SPG11: variants seen among roughly 807,000 people sequenced by gnomAD.
SPG11 encodes spatacsin.
SPG11 carries 222 observed loss-of-function variants against 274.0 expected under a neutral mutation model. The observed-to-expected ratio is 0.81, with a 90% confidence interval of 0.73 to 0.91. SPG11 has a LOEUF of 0.91. Ranked by LOEUF, SPG11 falls within the 40% of genes least tolerant of loss-of-function variation. The pLI, the probability that SPG11 is intolerant of heterozygous loss-of-function variation, is 0.00. For synonymous variants in SPG11, 1,144 were observed against 1,039.7 expected, an observed-to-expected ratio of 1.10 and a Z score of -1.93; for missense variants, 3,114 against 2,872.7, an observed-to-expected ratio of 1.08 and a Z score of -1.92.
chr15:44,632,117 T>C (rs2084083670), intron 8 of SPG11, among the ~76,000 whole-genome samples: 1 of 152,114 alleles, frequency 6.6e-6, no homozygotes, highest in African/African-American at 2.4e-5. Flanking sequence ...CCTACATTAC[T>C]TCTTTTACAT....
intron 36 of SPG11, 26 bp from the exon 37 acceptor site, chr15:44,566,331 C>G (rs1595817810): frequency 1.9e-6 from 3 of 1,603,524 alleles, no homozygotes; most frequent in Non-Finnish European, 2.6e-6. Flanking sequence ...AGAAGATTTG[C>G]CGAGTCTGAC....
intron 31 of SPG11, among the ~76,000 whole-genome samples, chr15:44,573,981 T>C (rs765359927): frequency 6.6e-6 from 1 of 152,222 alleles, no homozygotes; most frequent in Non-Finnish European, 1.5e-5. Flanking sequence ...GGTTATTCTC[T>C]TGTTGGACAC....
intron 20 of SPG11, among the ~76,000 whole-genome samples, chr15:44,601,608 A>AG (rs2083191780): frequency 6.9e-6 from 1 of 144,444 alleles, no homozygotes; most frequent in African/African-American, 2.6e-5. Flanking sequence ...TCTAGGCTGG[A>AG]GTGCCATGGC....
chr15:44,646,511 TG>T (rs1205522817), intron 7 of SPG11, among the ~76,000 whole-genome samples: 4 of 152,152 alleles, frequency 2.6e-5, no homozygotes, highest in Non-Finnish European at 5.9e-5. Flanking sequence ...ACTGCTCCCA[TG>T]ATGCAATCAC....
At chr15:44,582,770 AACC>A (rs1280635862) in intron 30 of SPG11, among the ~76,000 whole-genome samples, 2 of 152,176 alleles carry the variant, frequency 1.3e-5, no homozygotes, top group Non-Finnish European at 2.9e-5. Context: ...CGAAAAAAAA[AACC>A]ACATGATCAG....
At chr15:44,638,732 A>G (rs1232110863) in intron 7 of SPG11, among the ~76,000 whole-genome samples, 1 of 152,190 alleles carries the variant, frequency 6.6e-6, no homozygotes. Flanking sequence ...GCAGTGGCAC[A>G]CGCCTGTAAT....
chr15:44,629,329 A>G lies in SPG11; in HGVS notation c.1795T>C (p.Ser599Pro). Residue 599 changes from serine to proline, a missense_variant, in exon 9 of 40, where the codon TCT becomes CCT. Transcript: ENST00000261866. ...LLCSAIRESY[S>P]EPQSKHFSEQ... ...GAAAAGTGTTTGCTTTGGGGTTCAG[A>G]ATAACTTTCTCTAATTGCCGAGCAA... 1.9e-6 allele frequency: 3 copies of G among 1,614,202 alleles called. No homozygotes were observed. The highest frequency in any genetic ancestry group is 2.2e-5 in the South Asian group (2 of 91,084).
intron 33 of SPG11, 105 bp downstream of exon 33, chr15:44,572,578 C>CA: frequency 8.7e-7 from 1 of 1,149,032 alleles, no homozygotes; most frequent in Non-Finnish European, 1.3e-6. Context: ...GAGGGCTAGG[C>CA]ATCCAGAGCA....
chr15:44,613,514 A>T lies in SPG11; in HGVS notation c.3061T>A (p.Phe1021Ile). ...TCATGTAACTCTTTTTTTTCCAAAA[A>T]GGGACAATTTTCAGGACTAAGTCTG... is the stretch of plus-strand genomic sequence containing the variant. ...CYKLSPENCP[F>I]LEKKELHEAH... Residue 1021 changes from phenylalanine to isoleucine, a missense_variant, in exon 17 of 40, where the codon TTT (phenylalanine) becomes ATT (isoleucine). Physicochemically the swap from Phe to Ile is conservative, Grantham distance 21. Transcript: ENST00000261866. 6.2e-7 allele frequency: 1 copy of T among 1,613,502 alleles called. No homozygotes were observed. Among genetic ancestry groups the T allele is most frequent in the Non-Finnish European group, 8.5e-7 (1 of 1,179,492 alleles).
At chr15:44,589,463 CA>C (rs1304261117) in intron 27 of SPG11, 49 bp from the exon 28 acceptor site, 1 of 1,609,374 alleles carries the variant, frequency 6.2e-7, no homozygotes, top group African/African-American at 1.3e-5. Context: ...ATGAGAATAG[CA>C]AATCAAAACC....
chr15:44,575,021 T>G lies in SPG11; in HGVS notation c.5887A>C (p.Lys1963Gln), dbSNP rs1294464164. 1.2e-6 allele frequency: 2 copies of G among 1,613,916 alleles called. No homozygotes were observed. Among genetic ancestry groups the G allele is most frequent in the African/African-American group, 1.3e-5 (1 of 74,900 alleles). The change falls in exon 31 of 40, where the codon AAG (lysine) becomes CAG (glutamine). Residue 1963 changes from lysine (K) to glutamine (Q), a missense_variant. Transcript: ENST00000261866. ...VHSTSSLDSQ[K>Q]FVTVPSSNEV... ...TTACTGGAGGGCACTGTCACAAACT[T>G]CTGACTATCCAGACTTGAAGCTGGA...
At chr15:44,609,423 C>G (rs1056150363) in intron 18 of SPG11, among the ~76,000 whole-genome samples, 1 of 151,974 alleles carries the variant, frequency 6.6e-6, no homozygotes, top group African/African-American at 2.4e-5. Context: ...GCCACCGCAC[C>G]CGGCCTTTAA....
chr15:44,625,997 C>T (rs770652713), intron 11 of SPG11, among the ~76,000 whole-genome samples: 2 of 152,014 alleles, frequency 1.3e-5, no homozygotes, highest in Non-Finnish European at 2.9e-5. Flanking sequence ...TTCTTTATAG[C>T]AATATGAGAA....
chr15:44,596,602 A>T (rs1405974129), intron 24 of SPG11, among the ~76,000 whole-genome samples, 182 bp downstream of exon 24: 1 of 139,184 alleles, frequency 7.2e-6, no homozygotes, highest in Non-Finnish European at 1.6e-5. Context: ...CTGAAATCTT[A>T]GGAAAAATAA....
intron 18 of SPG11, among the ~76,000 whole-genome samples, chr15:44,609,290 C>A (rs1234049067): frequency 6.6e-6 from 1 of 151,986 alleles, no homozygotes; most frequent in Non-Finnish European, 1.5e-5. Context: ...CACCACCACC[C>A]CCGGCTAATT....
chr15:44,574,827 C>T (rs2082499941), intron 31 of SPG11, 75 bp downstream of exon 31: 1 of 1,565,390 alleles, frequency 6.4e-7, no homozygotes, highest in African/African-American at 1.4e-5. Flanking sequence ...GCTGACTTGG[C>T]AATGTCCAAA....
At chr15:44,592,293 G>A (rs747509322) in intron 27 of SPG11, 38 bp downstream of exon 27, 4 of 1,245,896 alleles carry the variant, frequency 3.2e-6, no homozygotes, top group Non-Finnish European at 3.6e-6. Flanking sequence ...CCAACCAAGT[G>A]CAGATCAGTG....
intron 30 of SPG11, 57 bp from the exon 31 acceptor site, chr15:44,575,098 AGCTCTCTATG>A (rs1168230264): frequency 1.2e-6 from 2 of 1,606,128 alleles, no homozygotes; most frequent in African/African-American, 2.7e-5. Context: ...GCCTCTCCCT[AGCTCTCTATG>A]GCTCTACCTC....
chr15:44,633,680 A>G (rs775520804), intron 7 of SPG11, 43 bp from the exon 8 acceptor site: 4 of 1,591,858 alleles, frequency 2.5e-6, no homozygotes, highest in East Asian at 2.2e-5. Flanking sequence ...AAATTACAAT[A>G]GGAAAAAAAA....
Sources: gnomAD v4.1 joint callset for allele counts (sites outside exome capture counted in the v4.1 genomes callset) on GRCh38, gnomAD v4.1.1 for gene constraint, MANE v1.5 for transcripts, NCBI Gene and HGNC (gene_info 2026-07-23, HGNC 2026-07-21) for gene names.